Variants in HECW1 observed in about 807,000 individuals in gnomAD.
HECW1 encodes E3 ubiquitin-protein ligase HECW1.
HECW1 carries 61 observed loss-of-function variants against 182.3 expected under a neutral mutation model. The observed-to-expected ratio is 0.33, with a 90% CI of 0.27 to 0.41. The LOEUF (loss-of-function observed/expected upper bound fraction) is 0.41. Ranked by LOEUF, HECW1 falls within the 10% of genes least tolerant of loss-of-function variation. The probability of loss-of-function intolerance (pLI) is 1.00; values close to 1 mark genes in which losing one functional copy is unlikely to be tolerated. For synonymous variants in HECW1, 859 were observed against 832.6 expected, an observed-to-expected ratio of 1.03 and a Z score of -0.55; for missense variants, 1,739 against 2,108.9, an observed-to-expected ratio of 0.82 and a Z score of 3.44.
rs937510647 is a variant in HECW1, at chr7:43,373,606, G to GT, written c.555+12635dup. ...GCTGGTATAGTAGATTTACATGTTTGTTTTTTTTTAATTTTTAATTGTGGT... is the reference window on the plus strand; with the variant it reads ...GCTGGTATAGTAGATTTACATGTTTGTTTTTTTTTTAATTTTTAATTGTGGT... On this transcript the variant is annotated intron_variant, in intron 6 of 29. Coordinates refer to ENST00000395891, the MANE Select transcript of HECW1 (RefSeq NM_015052.5). 2.0e-4 allele frequency among the ~76,000 whole-genome samples: 30 copies of GT among 150,176 alleles called. 1 individual carries two copies. The highest frequency in any genetic ancestry group is 7.8e-4 in the East Asian group (4 of 5,098).
intron 3 of HECW1, among the ~76,000 whole-genome samples, chr7:43,291,384 G>A (rs1805386228): frequency 6.6e-6 from 1 of 152,230 alleles, no homozygotes; most frequent in Non-Finnish European, 1.5e-5. Flanking sequence ...GTAAAGGCAA[G>A]GGAGAACAAA....
intron 2 of HECW1, among the ~76,000 whole-genome samples, chr7:43,129,485 T>G (rs1786663765): frequency 6.6e-6 from 1 of 152,236 alleles, no homozygotes. Flanking sequence ...TACAGTATAG[T>G]GTAAACATAA....
chr7:43,407,768 A>T (rs374395562), intron 8 of HECW1, 37 bp downstream of exon 8: 44 of 1,573,250 alleles, frequency 2.8e-5, no homozygotes, highest in Non-Finnish European at 2.9e-5. Flanking sequence ...GCCCAAGTAA[A>T]AGTGAAAGGG....
chr7:43,405,166 TAGAATGGTTCCC>T (rs1274760889), intron 7 of HECW1, among the ~76,000 whole-genome samples: 1 of 152,160 alleles, frequency 6.6e-6, no homozygotes, highest in Non-Finnish European at 1.5e-5. Flanking sequence ...TTTAAGTGCT[TAGAATGGTTCCC>T]AGAATTTAGT....
At chr7:43,253,822 C>T (rs780013085) in intron 3 of HECW1, among the ~76,000 whole-genome samples, 58 of 151,888 alleles carry the variant, frequency 3.8e-4, no homozygotes, top group Non-Finnish European at 7.4e-4. Flanking sequence ...GCAGAAGAGT[C>T]GCCTGAACCT....
intron 2 of HECW1, chr7:43,241,514 A>G (rs1369184630): frequency 6.6e-6 from 1 of 152,170 alleles, no homozygotes; most frequent in Non-Finnish European, 1.5e-5. Flanking sequence ...TAAACTGTAA[A>G]GTGAAATACA....
intron 2 of HECW1, among the ~76,000 whole-genome samples, chr7:43,214,587 G>A (rs1796282762): frequency 6.6e-6 from 1 of 152,172 alleles, no homozygotes; most frequent in Non-Finnish European, 1.5e-5. Flanking sequence ...CTGTGGTGGT[G>A]GTGGTGGTGA....
rs1004111312 is a variant in HECW1 at position 43,564,968 on chromosome 7, CAATT to C, written c.*3043_*3046del. On this transcript the variant is annotated 3_prime_UTR_variant, in exon 30 of 30. Coordinates refer to ENST00000395891, the MANE Select transcript of HECW1 (RefSeq NM_015052.5). ...TTTATAAGCCACAATCTCCCTAAAACAATTGATTTTAGTAAGAGTGTAACGCCTT... is the reference window on the plus strand; with the variant it reads ...TTTATAAGCCACAATCTCCCTAAAACGATTTTAGTAAGAGTGTAACGCCTT... 1.5e-4 allele frequency: 27 copies of C among 185,548 alleles called. No individual in the cohort carries two copies. The highest frequency in any genetic ancestry group is 2.8e-4 in the Non-Finnish European group (25 of 87,830). 11.5% of individuals were successfully genotyped at this position (185,548 alleles called of 1,614,324 possible).
At chr7:43,159,675 T>C (rs974070923) in intron 2 of HECW1, among the ~76,000 whole-genome samples, 1 of 145,400 alleles carries the variant, frequency 6.9e-6, no homozygotes, top group Admixed American at 6.9e-5. Context: ...TATTTCCTTG[T>C]ATCTTTTTTT....
intron 17 of HECW1, among the ~76,000 whole-genome samples, chr7:43,482,294 C>A (rs2078467143): frequency 6.6e-6 from 1 of 152,086 alleles, no homozygotes; most frequent in South Asian, 2.1e-4. Flanking sequence ...GAGCCCTCAG[C>A]CTAGGGATAA....
In HECW1 at chr7:43,562,734, G is replaced by A. The variant is rs1283670399; in HGVS notation, c.*808G>A. The A allele has an allele frequency of 4.5e-6, 1 of 219,792 alleles. No homozygotes were observed. Among genetic ancestry groups the A allele is most frequent in the African/African-American group, 2.2e-5 (1 of 44,522 alleles). The allele number at this position is 219,792 out of a possible 1,614,324, so 13.6% of individuals were successfully genotyped here. A position where few individuals can be genotyped will look rare whatever the true frequency, so the allele number is the denominator to read the frequency against. On this transcript the variant is annotated 3_prime_UTR_variant, in exon 30 of 30. Coordinates refer to ENST00000395891, the MANE Select transcript of HECW1 (RefSeq NM_015052.5). The stretch of plus-strand genomic sequence containing the variant: ...CTTGTGCACATGTCCAAGAAAGAAA[G>A]CTTCTTGATTGAGGTAGCATGAAGG...
At chr7:43,270,391 C>T (rs1305115258) in intron 3 of HECW1, among the ~76,000 whole-genome samples, 1 of 152,194 alleles carries the variant, frequency 6.6e-6, no homozygotes, top group African/African-American at 2.4e-5. Flanking sequence ...ATGGAGGTAT[C>T]AGCTAGCAAC....
chr7:43,311,825 G>T lies in HECW1; in HGVS notation c.90G>T (p.Gln30His). 1 of 1,614,118 alleles carries T rather than the reference G, an allele frequency of 6.2e-7. No individual in the cohort carries two copies. The highest frequency in any genetic ancestry group is 8.5e-7 in the Non-Finnish European group (1 of 1,179,984). Residue 30 changes from glutamine (Q) to histidine (H), a missense_variant, in exon 4 of 30, where the codon CAG becomes CAT. By Grantham distance (24) the Gln-to-His change is conservative. Coordinates refer to ENST00000395891, the MANE Select transcript of HECW1 (RefSeq NM_015052.5). ...AAMASPSRNS[Q>H]SRRRCKEPLR... ...TGGCGTCTCCTTCTAGAAACTCCCA[G>T]AGCCGACGCCGGTGCAAGGAGCCGC... is the stretch of plus-strand genomic sequence containing the variant.
At chr7:43,353,772 G>A (rs1394941976) in intron 5 of HECW1, among the ~76,000 whole-genome samples, 4 of 152,152 alleles carry the variant, frequency 2.6e-5, no homozygotes, top group Non-Finnish European at 4.4e-5. Flanking sequence ...ACTTGTCCCT[G>A]CCTCAACCCA....
Position 43,374,581 on chromosome 7 carries a change from C to T in HECW1, c.555+13601C>T, listed in dbSNP as rs545790455. Among the ~76,000 whole-genome samples the T allele has an allele frequency of 1.2e-3, 62 of 52,122 alleles. 17 individuals are homozygous for T. Among genetic ancestry groups the T allele is most frequent in the Admixed American group, 3.6e-3 (23 of 6,354 alleles). The allele number at this position is 52,122 out of a possible 152,430, so 34.2% of individuals were successfully genotyped here. On this transcript the variant is annotated intron_variant, in intron 6 of 29. Coordinates refer to ENST00000395891, the MANE Select transcript of HECW1 (RefSeq NM_015052.5). ...CGAGGTCAGGAGATCGAGACCATCCCGGCTAAAACGGTGAAACCCCGTCTC... is the reference window on the plus strand; with the variant it reads ...CGAGGTCAGGAGATCGAGACCATCCTGGCTAAAACGGTGAAACCCCGTCTC...
intron 17 of HECW1, among the ~76,000 whole-genome samples, chr7:43,483,348 G>A (rs1012895469): frequency 9.2e-5 from 14 of 152,020 alleles, no homozygotes; most frequent in African/African-American, 3.4e-4. Flanking sequence ...AATGTCAGGA[G>A]TGCCCCCAGT....
chr7:43,188,324 T>C (rs1793598404), intron 2 of HECW1, among the ~76,000 whole-genome samples: 1 of 152,210 alleles, frequency 6.6e-6, no homozygotes, highest in South Asian at 2.1e-4. Context: ...AAGACTCCTG[T>C]AGGAGCTAAA....
At chr7:43,510,598 T>C (rs1360425686) in intron 24 of HECW1, among the ~76,000 whole-genome samples, 2 of 152,174 alleles carry the variant, frequency 1.3e-5, no homozygotes. Context: ...TACGCACATA[T>C]ACATATGTGG....
intron 2 of HECW1, among the ~76,000 whole-genome samples, chr7:43,209,050 T>C (rs572693446): frequency 3.9e-5 from 6 of 152,150 alleles, no homozygotes; most frequent in Non-Finnish European, 7.3e-5. Flanking sequence ...TTTAGCATTT[T>C]TATGTATTTG....
Sources: allele counts gnomAD v4.1 joint callset (sites outside exome capture counted in the v4.1 genomes callset), GRCh38; gene constraint gnomAD v4.1.1; transcripts MANE v1.5; gene names NCBI Gene and HGNC (gene_info 2026-07-23, HGNC 2026-07-21).